MILR1: variants seen among roughly 807,000 people sequenced by gnomAD.
The protein encoded by MILR1 is mast cell immunoglobulin like receptor 1.
A neutral mutation model predicts 18.5 loss-of-function variants in MILR1; 31 were observed. That is an observed-to-expected ratio of 1.68 (90% CI 1.26 to 2.26). MILR1 has a LOEUF of 2.26. MILR1 is among the 30% of genes most tolerant of loss of function. The pLI, the probability that MILR1 is intolerant of heterozygous loss-of-function variation, is 0.00. For synonymous variants in MILR1, 85 were observed against 56.2 expected (o/e 1.51, Z -2.30); for missense variants, 257 against 157.4 (o/e 1.63, Z -3.38).
chr17:64,492,804 T>G, the MILR1 span: 1 of 1,596,904 alleles, frequency 6.3e-7, no homozygotes, highest in Non-Finnish European at 8.6e-7. Flanking sequence ...GGAAGTTAGC[T>G]TATCTGAAAA....
the MILR1 span, among the ~76,000 whole-genome samples, chr17:64,483,152 C>A: frequency 6.6e-6 from 1 of 152,066 alleles, no homozygotes; most frequent in Non-Finnish European, 1.5e-5. Context: ...TAGCTGAGGT[C>A]ATAAAAACAC....
At chr17:64,460,674 G>A (rs1480965579) in intron 4 of MILR1, 148 bp from the exon 5 acceptor site, 2 of 372,928 alleles carry the variant, frequency 5.4e-6, no homozygotes, top group Non-Finnish European at 9.8e-6. Context: ...TAAGTCCCGT[G>A]AGTTTTAGAT....
At chr17:64,461,235 ATTTG>A (rs1482879995) in intron 5 of MILR1, among the ~76,000 whole-genome samples, 2 of 151,746 alleles carry the variant, frequency 1.3e-5, no homozygotes, top group Non-Finnish European at 2.9e-5. Flanking sequence ...CACATTTGGT[ATTTG>A]TTTATTTATT....
At chr17:64,469,343 A>G (rs1555664148), downstream of MILR1, among the ~76,000 whole-genome samples, 1 of 151,972 alleles carries the variant, frequency 6.6e-6, no homozygotes, top group African/African-American at 2.4e-5. Flanking sequence ...CTTCAAGGAG[A>G]CCCATCATGC....
chr17:64,479,340 T>C, the MILR1 span, among the ~76,000 whole-genome samples: 2 of 151,932 alleles, frequency 1.3e-5, no homozygotes, highest in Non-Finnish European at 2.9e-5. Context: ...CAAGCCACCA[T>C]GGCCAGGTAA....
At chr17:64,464,284 T>G (rs2037499107) in intron 5 of MILR1, among the ~76,000 whole-genome samples, 1 of 139,398 alleles carries the variant, frequency 7.2e-6, no homozygotes, top group Non-Finnish European at 1.6e-5. Context: ...GCCTGGCTAA[T>G]TTTTTTTTTT....
chr17:64,468,894 G>A (rs2037641418), downstream of MILR1, among the ~76,000 whole-genome samples: 1 of 151,932 alleles, frequency 6.6e-6, no homozygotes, highest in Admixed American at 6.6e-5. Flanking sequence ...AGACCAGCTT[G>A]GCCAACATGG....
the MILR1 span, among the ~76,000 whole-genome samples, chr17:64,495,177 C>CA: frequency 0.77 from 91,652 of 119,342 alleles, 38,244 homozygotes; most frequent in East Asian, 0.95. Context: ...GACTCTGTCT[C>CA]AAAAAAAAAA....
the MILR1 span, chr17:64,497,124 C>T: frequency 5.3e-6 from 4 of 759,066 alleles, no homozygotes; most frequent in East Asian, 2.7e-5. Flanking sequence ...CGCATGTCTG[C>T]GTTCCGGCCG....
Position 64,468,612 on chromosome 17 carries a change from G to A in MILR1, c.*331G>A. ...CCCTGAATCGCTTTAGTAAATAAAG[G>A]GTCTCCAAGAATAAATTCATCCGAA... On this transcript the variant is annotated 3_prime_UTR_variant, in exon 10 of 10. Coordinates refer to ENST00000619286, the MANE Select transcript of MILR1 (RefSeq NM_001085423.2). The A allele has an allele frequency of 2.7e-6, 3 of 1,129,802 alleles. No homozygotes were observed. Among genetic ancestry groups the A allele is most frequent in the Non-Finnish European group, 3.3e-6 (3 of 914,316 alleles). The allele number at this position is 1,129,802 out of a possible 1,614,324, so 70.0% of individuals were successfully genotyped here. A position where few individuals can be genotyped will look rare whatever the true frequency, so the allele number is the denominator to read the frequency against.
chr17:64,473,060 T>G (rs1291963083), downstream of MILR1, among the ~76,000 whole-genome samples: 1 of 152,028 alleles, frequency 6.6e-6, no homozygotes, highest in African/African-American at 2.4e-5. Flanking sequence ...CTAAAGAAGT[T>G]GTCTTTTGGC....
the MILR1 span, among the ~76,000 whole-genome samples, chr17:64,474,880 AC>A: frequency 0.017 from 2,661 of 152,174 alleles, 66 homozygotes; most frequent in Non-Finnish European, 0.022. Flanking sequence ...ATTATCAAAG[AC>A]TAGTAAGGTG....
the MILR1 span, chr17:64,491,707 T>C: frequency 1.0e-6 from 1 of 1,002,404 alleles, no homozygotes; most frequent in Non-Finnish European, 1.5e-6. Flanking sequence ...GGGTTTACCA[T>C]GGTGCTGGCA....
the MILR1 span, chr17:64,481,420 C>T: frequency 2.0e-6 from 2 of 985,160 alleles, no homozygotes; most frequent in Non-Finnish European, 2.4e-6. Context: ...ATCACCCAGA[C>T]AGAAATGACG....
At chr17:64,467,126 T>C (rs2037589792) in intron 8 of MILR1, among the ~76,000 whole-genome samples, 1 of 151,778 alleles carries the variant, frequency 6.6e-6, no homozygotes, top group South Asian at 2.1e-4. Context: ...CTCCTTTTTT[T>C]TGAGACTCTC....
chr17:64,496,967 ATC>A, the MILR1 span: 1 of 1,604,482 alleles, frequency 6.2e-7, no homozygotes, highest in Non-Finnish European at 8.5e-7. Context: ...ACGAGAGCGC[ATC>A]TCTCTCCGAA....
intron 5 of MILR1, among the ~76,000 whole-genome samples, chr17:64,465,083 G>T (rs782739097): frequency 2.6e-5 from 4 of 152,190 alleles, no homozygotes; most frequent in Non-Finnish European, 4.4e-5. Flanking sequence ...GACAGAGCGA[G>T]ACTCCATCTT....
intron 4 of MILR1, among the ~76,000 whole-genome samples, chr17:64,458,598 C>T (rs1190626324): frequency 2.6e-5 from 4 of 151,860 alleles, no homozygotes; most frequent in Non-Finnish European, 5.9e-5. Context: ...GACTCCTGCA[C>T]CACCCTTGGC....
the MILR1 span, chr17:64,481,145 T>C: frequency 2.3e-6 from 1 of 426,174 alleles, no homozygotes; most frequent in African/African-American, 2.2e-5. Context: ...CTCCCACTCT[T>C]AGGACAACCA....
Sources: allele counts gnomAD v4.1 joint callset (sites outside exome capture counted in the v4.1 genomes callset), GRCh38; gene constraint gnomAD v4.1.1; transcripts MANE v1.5; gene names NCBI Gene and HGNC (gene_info 2026-07-23, HGNC 2026-07-21).